Variants in EEFSEC observed in about 807,000 individuals in gnomAD.
EEFSEC encodes the protein selenocysteine-specific elongation factor.
In EEFSEC, 43 loss-of-function variants were observed where a neutral mutation model predicts 42.1. The ratio of observed to expected loss-of-function variants is 1.02; its 90% confidence interval spans 0.80 to 1.32. The LOEUF (loss-of-function observed/expected upper bound fraction) is 1.32. Ranked by LOEUF, EEFSEC falls within the 40% of genes most tolerant of loss-of-function variation. The pLI is 0.00. For missense variants in EEFSEC, 745 were observed against 803.6 expected, an observed-to-expected ratio of 0.93 and a Z score of 0.88; for synonymous variants, 354 against 339.1, an observed-to-expected ratio of 1.04 and a Z score of -0.48.
At chr3:128,299,164 G>A (rs999026866) in intron 4 of EEFSEC, among the ~76,000 whole-genome samples, 1 of 152,084 alleles carries the variant, frequency 6.6e-6, no homozygotes, top group Non-Finnish European at 1.5e-5. Context: ...CATAGGAGCC[G>A]TATCAATCTA....
intron 1 of EEFSEC, among the ~76,000 whole-genome samples, chr3:128,171,801 G>A (rs2065299069): frequency 6.7e-6 from 1 of 148,692 alleles, no homozygotes; most frequent in Non-Finnish European, 1.5e-5. Flanking sequence ...CTCCAAATCT[G>A]TGGATTCAAC....
At chr3:128,271,656 C>T (rs1316829657) in intron 4 of EEFSEC, among the ~76,000 whole-genome samples, 1 of 152,166 alleles carries the variant, frequency 6.6e-6, no homozygotes, top group East Asian at 1.9e-4. Flanking sequence ...TTGGTTGTCG[C>T]CCTCAGGAGG....
chr3:128,189,558 C>CT (rs3037702), intron 1 of EEFSEC, among the ~76,000 whole-genome samples: 5,403 of 137,102 alleles, frequency 0.039, 365 homozygotes, highest in African/African-American at 0.13. Flanking sequence ...GACTTCTTTT[C>CT]TTTTTTTTTT....
intron 1 of EEFSEC, among the ~76,000 whole-genome samples, chr3:128,177,393 A>ACCACCC (rs71615970): frequency 0.26 from 35,204 of 133,344 alleles, 4,510 homozygotes; most frequent in South Asian, 0.34. Context: ...AAATAGTGAC[A>ACCACCC]CCACCCCCAC....
intron 1 of EEFSEC, among the ~76,000 whole-genome samples, chr3:128,221,764 G>T (rs900996225): frequency 6.6e-6 from 1 of 152,016 alleles, no homozygotes; most frequent in African/African-American, 2.4e-5. Flanking sequence ...TCAGATCCTG[G>T]AAACTAGAAA....
chr3:128,414,997 G>C, the EEFSEC span, among the ~76,000 whole-genome samples: 1 of 152,202 alleles, frequency 6.6e-6, no homozygotes. Context: ...TCCCTGGCCA[G>C]CCTCTGCCCA....
At chr3:128,403,121 G>A (rs529632641) in intron 6 of EEFSEC, among the ~76,000 whole-genome samples, 1 of 152,322 alleles carries the variant, frequency 6.6e-6, no homozygotes, top group South Asian at 2.1e-4. Flanking sequence ...GTTGTACAGT[G>A]ACTCGAAGAA....
chr3:128,345,846 T>A (rs2067306398), intron 5 of EEFSEC, among the ~76,000 whole-genome samples: 1 of 152,244 alleles, frequency 6.6e-6, no homozygotes, highest in South Asian at 2.1e-4. Context: ...AAGGCATCCT[T>A]CATTCATATA....
At chr3:128,259,840 G>A (rs1197877771) in intron 2 of EEFSEC, among the ~76,000 whole-genome samples, 1 of 152,026 alleles carries the variant, frequency 6.6e-6, no homozygotes, top group African/African-American at 2.4e-5. Flanking sequence ...GTCTTTTTAT[G>A]TCATGTCTTT....
intron 1 of EEFSEC, among the ~76,000 whole-genome samples, chr3:128,158,472 T>C (rs904043139): frequency 1.3e-5 from 2 of 152,218 alleles, no homozygotes; most frequent in Non-Finnish European, 2.9e-5. Context: ...CATTGTCTTA[T>C]TTCATTAGAT....
chr3:128,302,288 T>A (rs1463735678), intron 4 of EEFSEC, among the ~76,000 whole-genome samples: 1 of 152,312 alleles, frequency 6.6e-6, no homozygotes, highest in East Asian at 1.9e-4. Flanking sequence ...ATAATATTAG[T>A]GTGCATTTTG....
At position 128,358,334 on chromosome 3, in the gene EEFSEC, G is replaced by A. The variant is rs199885559; in HGVS notation, c.1561G>A (p.Ala521Thr). 1.2e-6 allele frequency: 2 copies of A among 1,614,252 alleles called. No homozygotes were observed. The highest frequency in any genetic ancestry group is 1.3e-5 in the African/African-American group (1 of 75,078). ...TGGGGAACTGGGCATCATCGACAGT[G>A]CCTTCGGCCAGAGCGGCAAGTTCAA... is the stretch of plus-strand genomic sequence containing the variant. ...STGELGIIDS[A>T]FGQSGKFKIH... is the part of the protein sequence containing the mutation. The change falls in exon 6 of 7, where the codon GCC becomes ACC. Residue 521 changes from alanine to threonine, a missense_variant. By Grantham distance (58) the Ala-to-Thr change is moderately conservative. Coordinates refer to ENST00000254730, the MANE Select transcript of EEFSEC (RefSeq NM_021937.5).
At chr3:128,386,616 A>G (rs2067841487) in intron 6 of EEFSEC, among the ~76,000 whole-genome samples, 1 of 152,194 alleles carries the variant, frequency 6.6e-6, no homozygotes, top group African/African-American at 2.4e-5. Context: ...TGGATAATTT[A>G]TTTAAAATAA....
At chr3:128,314,112 C>T (rs954138898) in intron 4 of EEFSEC, among the ~76,000 whole-genome samples, 8 of 152,226 alleles carry the variant, frequency 5.3e-5, no homozygotes, top group Non-Finnish European at 7.3e-5. Context: ...CTCTCTCTCC[C>T]TCTCATTGAG....
intron 4 of EEFSEC, among the ~76,000 whole-genome samples, chr3:128,322,892 T>C (rs927085329): frequency 5.9e-5 from 9 of 152,332 alleles, no homozygotes; most frequent in African/African-American, 2.2e-4. Context: ...GACATCCAGC[T>C]GTCACTTTGT....
At chr3:128,318,968 G>C (rs1306205712) in intron 4 of EEFSEC, among the ~76,000 whole-genome samples, 1 of 152,220 alleles carries the variant, frequency 6.6e-6, no homozygotes, top group East Asian at 1.9e-4. Context: ...GAAATGACTT[G>C]CCGGTGTTCA....
chr3:128,399,006 C>G (rs2068016199), intron 6 of EEFSEC, among the ~76,000 whole-genome samples: 1 of 152,074 alleles, frequency 6.6e-6, no homozygotes, highest in South Asian at 2.1e-4. Flanking sequence ...CTGCCCCTCC[C>G]TGTATAATTG....
intron 1 of EEFSEC, among the ~76,000 whole-genome samples, chr3:128,207,526 G>T (rs2065710439): frequency 6.6e-6 from 1 of 150,470 alleles, no homozygotes; most frequent in African/African-American, 2.4e-5. Context: ...AAATCTCATT[G>T]CATCTTTAAG....
At chr3:128,392,867 G>A (rs1018122182) in intron 6 of EEFSEC, among the ~76,000 whole-genome samples, 5 of 152,196 alleles carry the variant, frequency 3.3e-5, no homozygotes, top group Non-Finnish European at 7.4e-5. Context: ...GGGGCACCAT[G>A]AGCAGGGAAG....
Sources: gnomAD v4.1 joint callset for allele counts (sites outside exome capture counted in the v4.1 genomes callset) on GRCh38, gnomAD v4.1.1 for gene constraint, MANE v1.5 for transcripts, NCBI Gene and HGNC (gene_info 2026-07-23, HGNC 2026-07-21) for gene names.